The following PRDM4 variants were observed in gnomAD, a reference collection of about 807,000 sequenced individuals.
PRDM4 encodes PR/SET domain 4.
PRDM4 carries 38 observed loss-of-function variants against 62.3 expected under a neutral mutation model. That is an observed-to-expected ratio of 0.61 (90% CI 0.47 to 0.80). The LOEUF (loss-of-function observed/expected upper bound fraction) is 0.80, where lower values mean the gene tolerates loss of function less well. Ranked by LOEUF, PRDM4 falls within the 30% of genes least tolerant of loss-of-function variation. PRDM4 has a pLI of 0.00. For missense variants in PRDM4, 858 were observed against 997.1 expected, an observed-to-expected ratio of 0.86 and a Z score of 1.88; for synonymous variants, 339 against 348.2, an observed-to-expected ratio of 0.97 and a Z score of 0.30.
At chr12:107,749,208 A>G (rs528576804) in intron 5 of PRDM4, among the ~76,000 whole-genome samples, 1 of 152,192 alleles carries the variant, frequency 6.6e-6, no homozygotes, top group East Asian at 1.9e-4. Flanking sequence ...ATTCTTAAAT[A>G]TTTCCAGACA....
chr12:107,752,251 A>C (rs1374024446), intron 4 of PRDM4, 42 bp from the exon 5 acceptor site: 2 of 1,415,190 alleles, frequency 1.4e-6, no homozygotes, highest in African/African-American at 1.4e-5. Flanking sequence ...CTTTTAGTAC[A>C]TTATTAAAGA....
chr12:107,735,220 C>T (rs1028125667), intron 11 of PRDM4, among the ~76,000 whole-genome samples: 7 of 152,154 alleles, frequency 4.6e-5, no homozygotes, highest in Non-Finnish European at 1.0e-4. Context: ...CTCTAGGGCA[C>T]ATACCCAAGA....
chr12:107,746,451 A>T, intron 5 of PRDM4, 27 bp from the exon 6 acceptor site: 1 of 1,529,426 alleles, frequency 6.5e-7, no homozygotes, highest in Non-Finnish European at 8.8e-7. Context: ...TGAGCAATAC[A>T]AATGGGTTTA....
At chr12:107,742,174 T>C (rs1890537596) in intron 9 of PRDM4, 47 bp downstream of exon 9, 1 of 1,565,370 alleles carries the variant, frequency 6.4e-7, no homozygotes, top group Non-Finnish European at 8.7e-7. Flanking sequence ...TCCTGGTCTT[T>C]GGTATTTTTA....
At chr12:107,759,112 A>AT (rs534937397) in intron 2 of PRDM4, among the ~76,000 whole-genome samples, 14 of 151,924 alleles carry the variant, frequency 9.2e-5, no homozygotes, top group South Asian at 2.1e-4. Context: ...TCTACTAAAC[A>AT]TTTTTTTTAA....
At chr12:107,734,654 T>C in intron 11 of PRDM4, 132 bp from the exon 12 acceptor site, 1 of 793,502 alleles carries the variant, frequency 1.3e-6, no homozygotes, top group Non-Finnish European at 2.0e-6. Context: ...GCATAGGTGA[T>C]ATACAGAAGA....
chr12:107,756,941 T>C lies in PRDM4; in HGVS notation c.36A>G (p.Pro12=). The C allele has an allele frequency of 6.2e-7, 1 of 1,614,134 alleles. No homozygotes were observed. The highest frequency in any genetic ancestry group is 8.5e-7 in the Non-Finnish European group (1 of 1,180,036). The change falls in exon 3 of 12, where the codon CCA becomes CCG. Residue 12 remains proline, a synonymous_variant. Transcript: ENST00000228437. ...HHRMNEMNLS[P]VGMEQLTSSS... ...ATGAAGTCAGCTGCTCCATCCCCAC[T>C]GGACTCAGGTTCATTTCATTCATCC...
chr12:107,741,728 C>G (rs1475710637), intron 9 of PRDM4, among the ~76,000 whole-genome samples: 1 of 152,118 alleles, frequency 6.6e-6, no homozygotes, highest in Non-Finnish European at 1.5e-5. Flanking sequence ...TACACACATA[C>G]ATAAGTAAAA....
rs191205892 is a variant in PRDM4 at position 107,741,265 on chromosome 12, T to C, written c.1610-5A>G. Reference sequence around the variant, plus strand: ...CATCTGGGTGTTCAGGAACACCTTTTAAAAAAAAATTACTCATTATCTCCC... The same window carrying C: ...CATCTGGGTGTTCAGGAACACCTTTCAAAAAAAAATTACTCATTATCTCCC... On this transcript the variant is annotated splice_polypyrimidine_tract_variant and splice_region_variant and intron_variant, in intron 9 of 11. Transcript: ENST00000228437. 8.8e-6 allele frequency: 14 copies of C among 1,586,114 alleles called. No homozygotes were observed. Among genetic ancestry groups the C allele is most frequent in the Middle Eastern group, 3.4e-4 (2 of 5,912 alleles).
At chr12:107,750,712 T>C (rs1244591829) in intron 5 of PRDM4, among the ~76,000 whole-genome samples, 1 of 152,202 alleles carries the variant, frequency 6.6e-6, no homozygotes, top group Admixed American at 6.5e-5. Context: ...AATTGGTTTA[T>C]ATCCACCTAC....
intron 8 of PRDM4, 150 bp downstream of exon 8, chr12:107,743,047 G>A (rs1472749388): frequency 1.5e-6 from 1 of 652,616 alleles, no homozygotes; most frequent in Non-Finnish European, 2.6e-6. Context: ...GATTAAAGGT[G>A]TGAGCCACCA....
rs1253567119 is a variant in PRDM4, at chr12:107,742,366, A to G, written c.1482-18T>C. 6.2e-7 allele frequency: 1 copy of G among 1,612,682 alleles called. No individual in the cohort carries two copies. ...CCCGGTTCCTGAGTTATCACATTTAATAGATCAAGCACATTAATTTTGAAA... is the reference window on the plus strand; with the variant it reads ...CCCGGTTCCTGAGTTATCACATTTAGTAGATCAAGCACATTAATTTTGAAA... On this transcript the variant is annotated intron_variant, in intron 8 of 11. Transcript: ENST00000228437.
intron 5 of PRDM4, among the ~76,000 whole-genome samples, chr12:107,748,377 C>A (rs1280325620): frequency 6.6e-6 from 1 of 152,078 alleles, no homozygotes; most frequent in South Asian, 2.1e-4. Context: ...AAAACTTGTA[C>A]ATGAGAGTTC....
intron 5 of PRDM4, among the ~76,000 whole-genome samples, chr12:107,748,557 G>A (rs532172089): frequency 2.6e-5 from 4 of 152,296 alleles, no homozygotes; most frequent in South Asian, 2.1e-4. Context: ...AGTATTATGC[G>A]AAGAGAAAGA....
rs1015637487 is a variant in PRDM4, at chr12:107,755,959, G to C, written c.145+873C>G. On this transcript the variant is annotated intron_variant, in intron 3 of 11. Coordinates refer to ENST00000228437, the MANE Select transcript of PRDM4 (RefSeq NM_012406.4). ...AAATTAGTTGAGCATGGTGGCGTGTGCCTGTAGTCTCAGCTACTCGGGATG... is the reference window on the plus strand; with the variant it reads ...AAATTAGTTGAGCATGGTGGCGTGTCCCTGTAGTCTCAGCTACTCGGGATG... Among the ~76,000 whole-genome samples the C allele has an allele frequency of 1.6e-3, 241 of 152,230 alleles. 1 individual carries two copies. Among genetic ancestry groups the C allele is most frequent in the African/African-American group, 5.7e-3 (235 of 41,534 alleles).
In PRDM4 at chr12:107,751,431, T is replaced by C. The variant is rs1890889642; in HGVS notation, c.1110A>G (p.Ala370=). 6.2e-7 allele frequency: 1 copy of C among 1,603,310 alleles called. No individual in the cohort carries two copies. Residue 370 remains alanine (A), a synonymous_variant, in exon 5 of 12, where the codon GCA becomes GCG. Transcript: ENST00000228437. ...EDSNSNKENM[A]TLFTIWCTLC... ...CACACTCACAAATTGTAAACAAGGT[T>C]GCCATGTTCTCCTTGTTTGAATTGG... is the stretch of plus-strand genomic sequence containing the variant.
At position 107,739,399 on chromosome 12, in the gene PRDM4, C is replaced by T. The variant is rs137955907; in HGVS notation, c.2077G>A (p.Val693Met). 61 of 1,613,396 alleles carry T rather than the reference C, an allele frequency of 3.8e-5. No individual in the cohort carries two copies. The highest frequency in any genetic ancestry group is 5.0e-5 in the Admixed American group (3 of 59,998). Residue 693 changes from valine to methionine, a missense_variant, in exon 11 of 12, where the codon GTG becomes ATG. Coordinates refer to ENST00000228437, the MANE Select transcript of PRDM4 (RefSeq NM_012406.4). ...FMRRQDLKQH[V>M]LIHTQERQIK... is the part of the protein sequence containing the mutation. The stretch of plus-strand genomic sequence containing the variant: ...GTAACTTACTGAGTGTGGATGAGCA[C>T]GTGCTGCTTGAGGTCCTGCCTCCGC...
At chr12:107,749,007 C>A (rs559491970) in intron 5 of PRDM4, among the ~76,000 whole-genome samples, 9 of 152,260 alleles carry the variant, frequency 5.9e-5, no homozygotes, top group Admixed American at 2.0e-4. Flanking sequence ...TAAAACTAGT[C>A]TCTCCATGGG....
intron 5 of PRDM4, among the ~76,000 whole-genome samples, chr12:107,747,022 C>T (rs1013442043): frequency 6.6e-6 from 1 of 152,000 alleles, no homozygotes; most frequent in African/African-American, 2.4e-5. Flanking sequence ...TAGTTCACGC[C>T]TGTAAACCCA....
Sources: gnomAD v4.1 joint callset for allele counts (sites outside exome capture counted in the v4.1 genomes callset) on GRCh38, gnomAD v4.1.1 for gene constraint, MANE v1.5 for transcripts, NCBI Gene and HGNC (gene_info 2026-07-23, HGNC 2026-07-21) for gene names.